CAMSAP1: variants seen among roughly 807,000 people sequenced by gnomAD.
CAMSAP1 encodes the protein calmodulin regulated spectrin associated protein 1.
Under a neutral mutation model 143.5 loss-of-function variants are expected in CAMSAP1, and 58 were observed. The observed-to-expected ratio is 0.40, with a 90% CI of 0.33 to 0.50. The LOEUF (loss-of-function observed/expected upper bound fraction) is 0.50. CAMSAP1 is among the 20% of genes least tolerant of loss of function. The pLI is 0.45. For synonymous variants in CAMSAP1, 945 were observed against 859.3 expected (o/e 1.10, Z -1.74); for missense variants, 1,969 against 2,115.7 (o/e 0.93, Z 1.36).
chr9:135,887,616 T>G (rs374563628), intron 1 of CAMSAP1, among the ~76,000 whole-genome samples: 64 of 152,196 alleles, frequency 4.2e-4, no homozygotes, highest in Non-Finnish European at 7.1e-4. Context: ...GGGCAGTGTC[T>G]TTCACTGGGT....
At chr9:135,889,000 G>C (rs1838212814) in intron 1 of CAMSAP1, among the ~76,000 whole-genome samples, 1 of 152,236 alleles carries the variant, frequency 6.6e-6, no homozygotes, top group Non-Finnish European at 1.5e-5. Context: ...AGGCCAGCAA[G>C]GGAGACCCTC....
Position 135,811,036 on chromosome 9 carries a change from C to A in CAMSAP1, c.*273G>T. ...ACCCTCCGCTGGGAGCCTCAGTGGT[C>A]AGCAGTGGCCACAGCAGTGCGAGCC... is the stretch of plus-strand genomic sequence containing the variant. On this transcript the variant is annotated 3_prime_UTR_variant, in exon 17 of 17. Coordinates refer to ENST00000389532, the MANE Select transcript of CAMSAP1 (RefSeq NM_015447.4). The surrounding 1 kb of genome is among the most constrained non-coding windows in gnomAD (Gnocchi z 4.9). The A allele has an allele frequency of 2.1e-6, 1 of 471,012 alleles. No homozygotes were observed. The allele number at this position is 471,012 out of a possible 1,614,324, so 29.2% of individuals were successfully genotyped here.
intron 1 of CAMSAP1, among the ~76,000 whole-genome samples, chr9:135,900,607 A>T (rs578056224): frequency 6.6e-6 from 1 of 151,588 alleles, no homozygotes; most frequent in Admixed American, 6.6e-5. Context: ...AGGCAGGAGA[A>T]TGGTGTGAAC....
At chr9:135,890,994 C>T (rs1219177191) in intron 1 of CAMSAP1, among the ~76,000 whole-genome samples, 2 of 152,226 alleles carry the variant, frequency 1.3e-5, no homozygotes, top group Non-Finnish European at 2.9e-5. Flanking sequence ...GCAGCAGGCA[C>T]ACTGGGGAGG....
chr9:135,894,097 G>A (rs1165373448), intron 1 of CAMSAP1, among the ~76,000 whole-genome samples: 2 of 152,112 alleles, frequency 1.3e-5, no homozygotes, highest in African/African-American at 4.8e-5. Flanking sequence ...GGATTGAGTA[G>A]GAGTTCCACC....
intron 1 of CAMSAP1, among the ~76,000 whole-genome samples, chr9:135,899,417 T>TAA (rs577120532): frequency 2.1e-4 from 26 of 125,430 alleles, no homozygotes; most frequent in African/African-American, 4.1e-4. Context: ...TTGTCTCTAT[T>TAA]AAAAAAAAAA....
intron 3 of CAMSAP1, among the ~76,000 whole-genome samples, chr9:135,868,553 C>T (rs1489464198): frequency 6.6e-6 from 1 of 150,952 alleles, no homozygotes; most frequent in Non-Finnish European, 1.5e-5. Flanking sequence ...CTTGTTTCTG[C>T]CACCAAAAGC....
chr9:135,838,998 CCT>C (rs1483071894), intron 7 of CAMSAP1, among the ~76,000 whole-genome samples: 6 of 152,134 alleles, frequency 3.9e-5, no homozygotes, highest in African/African-American at 1.4e-4. Flanking sequence ...CACTTTCTAC[CCT>C]GTTCTATAGA....
chr9:135,860,789 T>G (rs1329570692), intron 5 of CAMSAP1, among the ~76,000 whole-genome samples: 1 of 152,180 alleles, frequency 6.6e-6, no homozygotes, highest in Non-Finnish European at 1.5e-5. Flanking sequence ...CAGTGCCTGC[T>G]TTCCCTGCGT....
At chr9:135,885,415 C>T (rs1838091346) in intron 1 of CAMSAP1, among the ~76,000 whole-genome samples, 2 of 152,176 alleles carry the variant, frequency 1.3e-5, no homozygotes, top group Admixed American at 6.5e-5. Flanking sequence ...CCTAGGAGAG[C>T]AGAAACTGGC....
intron 1 of CAMSAP1, among the ~76,000 whole-genome samples, chr9:135,899,148 A>C (rs1460924304): frequency 6.6e-6 from 1 of 152,216 alleles, no homozygotes; most frequent in East Asian, 1.9e-4. Context: ...CCTGCCGGGC[A>C]GGGGCACAAA....
chr9:135,841,077 C>G (rs762584055), intron 7 of CAMSAP1, among the ~76,000 whole-genome samples: 1 of 152,076 alleles, frequency 6.6e-6, no homozygotes, highest in Non-Finnish European at 1.5e-5. Context: ...CCCACAGAGC[C>G]CAGGAAGCTA....
chr9:135,843,314 C>T (rs142024000), intron 7 of CAMSAP1, among the ~76,000 whole-genome samples: 1 of 151,892 alleles, frequency 6.6e-6, no homozygotes, highest in Admixed American at 6.6e-5. Context: ...ACAACAAGAG[C>T]GAAACTCCAT....
chr9:135,835,386 G>A (rs1354921401), intron 7 of CAMSAP1, among the ~76,000 whole-genome samples: 1 of 152,168 alleles, frequency 6.6e-6, no homozygotes, highest in Non-Finnish European at 1.5e-5. Flanking sequence ...ATGGCAAGGG[G>A]AAGACAGAGT....
At chr9:135,898,624 CTCATCATAAG>C (rs1399730339) in intron 1 of CAMSAP1, among the ~76,000 whole-genome samples, 3 of 152,048 alleles carry the variant, frequency 2.0e-5, no homozygotes, top group Admixed American at 2.0e-4. Flanking sequence ...TATAAAAATG[CTCATCATAAG>C]TCATCAGGGA....
At position 135,818,595 on chromosome 9, in the gene CAMSAP1, C is replaced by A; in HGVS notation, c.3981G>T (p.Arg1327=). ...DEARRKAEED[R]VRKEEEKARR... is the part of the protein sequence containing the mutation. ...GCGCCTTCTCCTCCTCCTTCCGCAC[C>A]CGGTCTTCCTCAGCTTTGCGCCTGA... is the stretch of plus-strand genomic sequence containing the variant. Residue 1327 remains arginine, a synonymous_variant, in exon 13 of 17, where the codon CGG becomes CGT. Transcript: ENST00000389532. The surrounding 1 kb of genome is among the most constrained non-coding windows in gnomAD (Gnocchi z 7.7). 1.2e-6 allele frequency: 2 copies of A among 1,613,342 alleles called. No individual in the cohort carries two copies. Among genetic ancestry groups the A allele is most frequent in the Non-Finnish European group, 1.7e-6 (2 of 1,179,818 alleles).
At chr9:135,834,277 A>G (rs1223081563) in intron 7 of CAMSAP1, among the ~76,000 whole-genome samples, 5 of 152,246 alleles carry the variant, frequency 3.3e-5, no homozygotes, top group Admixed American at 6.5e-5. Context: ...CAGAATTACC[A>G]TATGATCCAG....
chr9:135,854,323 A>G (rs1247706024), intron 5 of CAMSAP1, among the ~76,000 whole-genome samples: 1 of 152,240 alleles, frequency 6.6e-6, no homozygotes, highest in Non-Finnish European at 1.5e-5. Context: ...TTTTTATTTC[A>G]GTAGCTGCTA....
intron 5 of CAMSAP1, among the ~76,000 whole-genome samples, chr9:135,858,912 G>A (rs1001697586): frequency 6.6e-6 from 1 of 152,208 alleles, no homozygotes; most frequent in Non-Finnish European, 1.5e-5. Context: ...AGAGCAGAGA[G>A]GGAGAGTCCC....
Sources: gnomAD v4.1 joint callset for allele counts (sites outside exome capture counted in the v4.1 genomes callset) on GRCh38, gnomAD v4.1.1 for gene constraint, Gnocchi (gnomAD v3.1) non-coding constraint, MANE v1.5 for transcripts, NCBI Gene and HGNC (gene_info 2026-07-23, HGNC 2026-07-21) for gene names.